Variants in SNRPN observed in about 807,000 individuals in gnomAD.
SNRPN encodes small nuclear ribonucleoprotein-associated protein N.
In SNRPN, 7 loss-of-function variants were observed where a neutral mutation model predicts 25.2. That is an observed-to-expected ratio of 0.28 (90% CI 0.16 to 0.52). The LOEUF (loss-of-function observed/expected upper bound fraction) is 0.52, where lower values mean the gene tolerates loss of function less well. Ranked by LOEUF, SNRPN falls within the 20% of genes least tolerant of loss-of-function variation. The pLI is 0.96. For synonymous variants in SNRPN, 124 were observed against 110.6 expected, an observed-to-expected ratio of 1.12 and a Z score of -0.76; for missense variants, 196 against 322.5, an observed-to-expected ratio of 0.61 and a Z score of 3.00.
chr15:24,897,885 CCA>C (rs2058178421), intron 2 of SNRPN, among the ~76,000 whole-genome samples: 1 of 152,020 alleles, frequency 6.6e-6, no homozygotes, highest in African/African-American at 2.4e-5. Context: ...TATAAATTAC[CCA>C]GTCTCAGATA....
At chr15:24,905,605 T>C (rs1332286961) in intron 2 of SNRPN, among the ~76,000 whole-genome samples, 1 of 152,168 alleles carries the variant, frequency 6.6e-6, no homozygotes, top group Non-Finnish European at 1.5e-5. Flanking sequence ...AAGAATCAGC[T>C]GTAACATTTG....
At chr15:24,873,317 T>C (rs2055397344) in intron 1 of SNRPN, among the ~76,000 whole-genome samples, 1 of 114,802 alleles carries the variant, frequency 8.7e-6, no homozygotes, top group Non-Finnish European at 1.9e-5. Flanking sequence ...AGACTCTTCT[T>C]TTGTTTTTGT....
chr15:24,954,948 G>C (rs2062588630), upstream of SNRPN: 4 of 1,547,280 alleles, frequency 2.6e-6, no homozygotes, highest in Non-Finnish European at 3.5e-6. Context: ...CTCAGGCGGG[G>C]ATGTGTGCGA....
intron 2 of SNRPN, among the ~76,000 whole-genome samples, chr15:24,905,438 G>A (rs2058735412): frequency 6.6e-6 from 1 of 151,080 alleles, no homozygotes; most frequent in South Asian, 2.1e-4. Flanking sequence ...GAACCCGGGA[G>A]GCGGAGGTGG....
intron 3 of SNRPN, among the ~76,000 whole-genome samples, chr15:24,930,452 T>C (rs2060739062): frequency 6.6e-6 from 1 of 151,662 alleles, no homozygotes; most frequent in Non-Finnish European, 1.5e-5. Flanking sequence ...CACCTATACC[T>C]TATTAGAACT....
chr15:24,849,866 A>G (rs1042140256), intron 2 of SNRPN: 4 of 152,234 alleles, frequency 2.6e-5, no homozygotes, highest in African/African-American at 9.6e-5. Context: ...TTATTGAAAA[A>G]ATCCTCGTAA....
chr15:24,941,409 G>A (rs1403556428), intron 3 of SNRPN, among the ~76,000 whole-genome samples: 3 of 152,198 alleles, frequency 2.0e-5, no homozygotes, highest in Non-Finnish European at 4.4e-5. Flanking sequence ...AATTACCTTT[G>A]TCTACTACTC....
At chr15:24,976,608 G>T (rs1288514480) in intron 6 of SNRPN, among the ~76,000 whole-genome samples, 192 bp downstream of exon 6, 2 of 152,166 alleles carry the variant, frequency 1.3e-5, no homozygotes, top group African/African-American at 4.8e-5. Context: ...TATTCTATGT[G>T]CTGGGCATTA....
rs150445605 is a variant in SNRPN at position 24,876,474 on chromosome 15, G to A, written c.-578-10042G>A. Among the ~76,000 whole-genome samples the A allele has an allele frequency of 1.4e-4, 22 of 152,128 alleles. No homozygotes were observed. The East Asian group carries it at 4.1e-3, about 28-fold the overall frequency. On this transcript the variant is annotated intron_variant, in intron 1 of 11. Coordinates refer to the SNRPN transcript ENST00000400097. ...TCTGCTAAAAATACAAAAATTAGCTGAGTGTGGTGGCGTGCGCCTGTAATC... is the reference window on the plus strand; with the variant it reads ...TCTGCTAAAAATACAAAAATTAGCTAAGTGTGGTGGCGTGCGCCTGTAATC...
chr15:24,849,835 C>G (rs991873786), intron 2 of SNRPN: 8 of 152,176 alleles, frequency 5.3e-5, no homozygotes, highest in Non-Finnish European at 1.2e-4. Flanking sequence ...CGACTATACG[C>G]ATAATTGCCT....
chr15:24,835,558 A>G (rs961396045), intron 2 of SNRPN, among the ~76,000 whole-genome samples: 2 of 152,060 alleles, frequency 1.3e-5, no homozygotes, highest in Admixed American at 1.3e-4. Flanking sequence ...TAGGAATACT[A>G]AAATTCAGAT....
intron 1 of SNRPN, among the ~76,000 whole-genome samples, chr15:24,874,334 G>T (rs1285375513): frequency 7.3e-5 from 7 of 95,944 alleles, no homozygotes; most frequent in African/African-American, 3.0e-4. Flanking sequence ...AAAAAAAAAA[G>T]GCAGAGTGGC....
At chr15:24,969,950 G>A (rs529339824) in intron 3 of SNRPN, among the ~76,000 whole-genome samples, 2 of 152,312 alleles carry the variant, frequency 1.3e-5, no homozygotes, top group African/African-American at 4.8e-5. Context: ...GACAGGCAAA[G>A]CCTAAAATAC....
chr15:24,875,647 G>A (rs2149163459), intron 1 of SNRPN, among the ~76,000 whole-genome samples: 1 of 152,248 alleles, frequency 6.6e-6, no homozygotes, highest in African/African-American at 2.4e-5. Context: ...CACTGGGCAT[G>A]GTAGCTCACA....
chr15:24,834,526 T>A (rs567773771), intron 2 of SNRPN, among the ~76,000 whole-genome samples: 64 of 151,938 alleles, frequency 4.2e-4, no homozygotes, highest in Non-Finnish European at 8.7e-4. Context: ...TGAAAATAAG[T>A]CATTTGCCAG....
chr15:24,880,336 C>T (rs2056457682), intron 1 of SNRPN, among the ~76,000 whole-genome samples: 1 of 152,120 alleles, frequency 6.6e-6, no homozygotes, highest in Admixed American at 6.6e-5. Context: ...GGATTCTTCA[C>T]TCTTGAGTTC....
At chr15:24,918,874 T>TGC (rs1182856459) in intron 2 of SNRPN, among the ~76,000 whole-genome samples, 1 of 112,740 alleles carries the variant, frequency 8.9e-6, no homozygotes, top group Non-Finnish European at 1.9e-5. Context: ...TATATATATG[T>TGC]GCATATATAT....
intron 1 of SNRPN, among the ~76,000 whole-genome samples, chr15:24,959,601 C>T (rs970064709): frequency 1.3e-5 from 2 of 152,140 alleles, no homozygotes; most frequent in Admixed American, 1.3e-4. Context: ...TGCAGTTGTA[C>T]ACTATTAGAT....
intron 2 of SNRPN, among the ~76,000 whole-genome samples, chr15:24,836,651 G>C (rs2051225233): frequency 6.6e-6 from 1 of 152,078 alleles, no homozygotes; most frequent in Admixed American, 6.5e-5. Flanking sequence ...GATCTCAGGT[G>C]ATCCGCCCTG....
Sources: gnomAD v4.1 joint callset for allele counts (sites outside exome capture counted in the v4.1 genomes callset) on GRCh38, gnomAD v4.1.1 for gene constraint, MANE v1.5 for transcripts, NCBI Gene and HGNC (gene_info 2026-07-23, HGNC 2026-07-21) for gene names.